The following MGAT4C variants were observed in gnomAD, a reference collection of about 807,000 sequenced individuals.
The protein encoded by MGAT4C is alpha-1,3-mannosyl-glycoprotein 4-beta-N-acetylglucosaminyltransferase C.
A neutral mutation model predicts 40.1 loss-of-function variants in MGAT4C; 19 were observed. The ratio of observed to expected loss-of-function variants is 0.47; its 90% CI spans 0.33 to 0.70. MGAT4C has a LOEUF of 0.70. Ranked by LOEUF, MGAT4C falls within the 30% of genes least tolerant of loss-of-function variation. The probability of loss-of-function intolerance (pLI) is 0.02; values close to 1 mark genes in which losing one functional copy is unlikely to be tolerated. For missense variants in MGAT4C, 491 were observed against 563.2 expected (o/e 0.87, Z 1.30); for synonymous variants, 181 against 187.1 (o/e 0.97, Z 0.27).
chr12:86,554,838 G>T (rs1411409115), intron 2 of MGAT4C, among the ~76,000 whole-genome samples: 1 of 152,070 alleles, frequency 6.6e-6, no homozygotes, highest in African/African-American at 2.4e-5. Context: ...AGTCTGAAAT[G>T]AGTCTTACTA....
chr12:86,626,663 G>A (rs1962815111), intron 2 of MGAT4C, among the ~76,000 whole-genome samples: 1 of 152,084 alleles, frequency 6.6e-6, no homozygotes, highest in Non-Finnish European at 1.5e-5. Context: ...TAAGATTATG[G>A]ATACTAAATA....
At chr12:86,440,423 C>T (rs1957206231) in intron 2 of MGAT4C, among the ~76,000 whole-genome samples, 1 of 151,888 alleles carries the variant, frequency 6.6e-6, no homozygotes, top group Non-Finnish European at 1.5e-5. Context: ...CAATAAAACC[C>T]AGCATCCCTT....
chr12:86,015,024 G>T (rs1454786551), intron 2 of MGAT4C, among the ~76,000 whole-genome samples: 1 of 147,226 alleles, frequency 6.8e-6, no homozygotes, highest in African/African-American at 2.5e-5. Context: ...TGTTGTCCAG[G>T]CTGGTCTTGA....
At chr12:86,603,797 ATAT>A (rs1173874087) in intron 2 of MGAT4C, among the ~76,000 whole-genome samples, 3 of 24,618 alleles carry the variant, frequency 1.2e-4, no homozygotes, top group Admixed American at 8.8e-4. Flanking sequence ...TATATAGTAT[ATAT>A]ATTATATAGT....
At chr12:86,606,981 C>A (rs1322052166) in intron 2 of MGAT4C, among the ~76,000 whole-genome samples, 1 of 151,878 alleles carries the variant, frequency 6.6e-6, no homozygotes, top group Non-Finnish European at 1.5e-5. Flanking sequence ...TAACATTATT[C>A]CTGTGTATAA....
chr12:86,407,154 G>T lies in MGAT4C; in HGVS notation c.-120+28003C>A, dbSNP rs1315549864. The stretch of plus-strand genomic sequence containing the variant: ...ATAAAGAATACAGATGAACAGCCAG[G>T]TGAAAAAGTACATAGGGTGAGATCT... On this transcript the variant is annotated intron_variant, in intron 3 of 7. Transcript: ENST00000548651. 2.6e-5 allele frequency among the ~76,000 whole-genome samples: 4 copies of T among 152,106 alleles called. No individual in the cohort carries two copies. In the East Asian group the frequency reaches 7.7e-4, roughly 29 times the overall value.
chr12:85,992,341 C>T (rs1031088568), intron 2 of MGAT4C, among the ~76,000 whole-genome samples: 10 of 152,234 alleles, frequency 6.6e-5, no homozygotes, highest in Middle Eastern at 3.4e-3. Flanking sequence ...TCACATAGGA[C>T]TGAAAGGAAA....
intron 4 of MGAT4C, among the ~76,000 whole-genome samples, chr12:86,273,087 T>C (rs1306912438): frequency 2.0e-5 from 3 of 152,242 alleles, no homozygotes; most frequent in South Asian, 2.1e-4. Flanking sequence ...GTGGTGTAGA[T>C]AGCATGTTAG....
At chr12:86,261,227 C>A (rs917320246), upstream of MGAT4C, among the ~76,000 whole-genome samples, 1 of 152,068 alleles carries the variant, frequency 6.6e-6, no homozygotes. Context: ...TGCAGCAGAA[C>A]ATATTTAAAA....
At chr12:86,169,007 T>C (rs1209211506) in intron 1 of MGAT4C, among the ~76,000 whole-genome samples, 2 of 152,014 alleles carry the variant, frequency 1.3e-5, no homozygotes, top group African/African-American at 4.8e-5. Flanking sequence ...GGAGATAAGA[T>C]TGTAAAAAAA....
chr12:86,001,732 T>C (rs1887320010), intron 2 of MGAT4C: 1 of 691,982 alleles, frequency 1.4e-6, no homozygotes, highest in African/African-American at 2.0e-5. Flanking sequence ...CCTGTTTCTG[T>C]CTTTGAGTGG....
chr12:86,148,254 G>A (rs999934315), intron 1 of MGAT4C, among the ~76,000 whole-genome samples: 4 of 152,142 alleles, frequency 2.6e-5, no homozygotes, highest in African/African-American at 4.8e-5. Context: ...AAATACCTGC[G>A]TGATGAAACA....
chr12:86,071,578 A>G (rs1414623740), intron 1 of MGAT4C, among the ~76,000 whole-genome samples: 2 of 152,116 alleles, frequency 1.3e-5, no homozygotes, highest in African/African-American at 2.4e-5. Flanking sequence ...CCAGGAGCAC[A>G]TTCTATTCAC....
rs910791596 is a variant in MGAT4C, at chr12:86,392,720, T to C, written c.-120+42437A>G. Among the ~76,000 whole-genome samples, 7 of 152,310 alleles carry C rather than the reference T, an allele frequency of 4.6e-5. 1 individual carries two copies. The South Asian group carries it at 6.2e-4, about 14-fold the overall frequency. Reference sequence around the variant, plus strand: ...AATTCTTCACAATCTGACGTATGCATTGCATATTCAATAAATATTTGACTG... The same window carrying C: ...AATTCTTCACAATCTGACGTATGCACTGCATATTCAATAAATATTTGACTG... On this transcript the variant is annotated intron_variant, in intron 3 of 7. Transcript: ENST00000548651.
intron 3 of MGAT4C, among the ~76,000 whole-genome samples, chr12:86,430,724 C>T (rs1241198273): frequency 6.6e-6 from 1 of 152,148 alleles, no homozygotes; most frequent in Non-Finnish European, 1.5e-5. Context: ...AGTCATTACT[C>T]TGGACAGGTG....
At chr12:86,156,919 C>G (rs970615588) in intron 1 of MGAT4C, among the ~76,000 whole-genome samples, 2 of 152,004 alleles carry the variant, frequency 1.3e-5, no homozygotes, top group African/African-American at 4.8e-5. Flanking sequence ...TTAAATAAAG[C>G]TAATGGGCAA....
chr12:86,484,935 C>T (rs1957995248), intron 2 of MGAT4C, among the ~76,000 whole-genome samples: 1 of 152,120 alleles, frequency 6.6e-6, no homozygotes, highest in South Asian at 2.1e-4. Flanking sequence ...TAGAGGCTAT[C>T]TTCTGGCCAT....
intron 3 of MGAT4C, among the ~76,000 whole-genome samples, chr12:86,378,238 C>T (rs1955866624): frequency 6.6e-6 from 1 of 151,718 alleles, no homozygotes; most frequent in Non-Finnish European, 1.5e-5. Context: ...AATTGTTGGA[C>T]TATATGGCAA....
chr12:86,642,814 A>G (rs982395476), intron 2 of MGAT4C, among the ~76,000 whole-genome samples: 2 of 151,552 alleles, frequency 1.3e-5, no homozygotes, highest in Non-Finnish European at 2.9e-5. Flanking sequence ...TTTTATATGT[A>G]TATCTATGTG....
Sources: gnomAD v4.1 joint callset for allele counts (sites outside exome capture counted in the v4.1 genomes callset) on GRCh38, gnomAD v4.1.1 for gene constraint, MANE v1.5 for transcripts, NCBI Gene and HGNC (gene_info 2026-07-23, HGNC 2026-07-21) for gene names.